Variants in SPIDR observed in about 807,000 individuals in gnomAD.
SPIDR encodes scaffold protein involved in DNA repair, also known as DNA repair-scaffolding protein.
In SPIDR, 93 loss-of-function variants were observed where a neutral mutation model predicts 104.6. That is an observed-to-expected ratio of 0.89 (90% CI 0.75 to 1.06). The LOEUF is 1.06. Among genes scored for constraint, SPIDR ranks in the 50% least tolerant of loss-of-function variants. The pLI is 0.00. For missense variants in SPIDR, 1,154 were observed against 1,111.2 expected, an observed-to-expected ratio of 1.04 and a Z score of -0.55; for synonymous variants, 431 against 416.9, an observed-to-expected ratio of 1.03 and a Z score of -0.41.
chr8:47,575,504 G>A (rs948409338), intron 8 of SPIDR, among the ~76,000 whole-genome samples: 10 of 151,116 alleles, frequency 6.6e-5, no homozygotes, highest in African/African-American at 2.2e-4. Flanking sequence ...AAAATTAGCC[G>A]GGCGTGGTAG....
intron 5 of SPIDR, among the ~76,000 whole-genome samples, chr8:47,384,366 C>T (rs6981604): frequency 0.027 from 4,117 of 152,232 alleles, 141 homozygotes; most frequent in African/African-American, 0.091. Flanking sequence ...TAAAATAAAG[C>T]TTTTGTGTTA....
chr8:47,269,599 A>G (rs1284928264), intron 1 of SPIDR, among the ~76,000 whole-genome samples: 4 of 152,024 alleles, frequency 2.6e-5, no homozygotes, highest in African/African-American at 7.2e-5. Context: ...AGAAAACAAA[A>G]TACCATGCTG....
intron 8 of SPIDR, among the ~76,000 whole-genome samples, chr8:47,565,038 G>T (rs956047471): frequency 6.6e-6 from 1 of 152,176 alleles, no homozygotes; most frequent in Non-Finnish European, 1.5e-5. Flanking sequence ...CCTGAGGTCA[G>T]TAGTTCAAGA....
At chr8:47,372,061 C>T (rs1268355664) in intron 5 of SPIDR, among the ~76,000 whole-genome samples, 1 of 152,122 alleles carries the variant, frequency 6.6e-6, no homozygotes, top group Admixed American at 6.6e-5. Flanking sequence ...TTTCAAGTCA[C>T]CTCTTCTGGG....
intron 5 of SPIDR, among the ~76,000 whole-genome samples, chr8:47,302,184 T>A (rs1426006825): frequency 1.4e-5 from 2 of 147,554 alleles, no homozygotes; most frequent in African/African-American, 2.6e-5. Flanking sequence ...TCTCACTTCA[T>A]TTCATTCATT....
At chr8:47,716,886 C>T (rs2082659488) in intron 16 of SPIDR, among the ~76,000 whole-genome samples, 1 of 152,156 alleles carries the variant, frequency 6.6e-6, no homozygotes, top group African/African-American at 2.4e-5. Context: ...TTGTGTATTG[C>T]TCTGCTTTCC....
At chr8:47,683,402 T>A (rs1033847767) in intron 11 of SPIDR, among the ~76,000 whole-genome samples, 5 of 152,190 alleles carry the variant, frequency 3.3e-5, no homozygotes, top group Admixed American at 6.5e-5. Context: ...CCCCCTCATC[T>A]TCTTTGTTCA....
At chr8:47,531,627 T>A (rs938205464) in intron 8 of SPIDR, among the ~76,000 whole-genome samples, 6 of 152,186 alleles carry the variant, frequency 3.9e-5, no homozygotes, top group African/African-American at 1.4e-4. Context: ...CAGTGAGAAT[T>A]TTCTTGGGGA....
chr8:47,585,282 G>C (rs2060146233), intron 8 of SPIDR, among the ~76,000 whole-genome samples: 1 of 152,166 alleles, frequency 6.6e-6, no homozygotes, highest in South Asian at 2.1e-4. Context: ...ACAGAAATTA[G>C]ATACTGACCA....
chr8:47,510,897 A>G (rs2082215298), intron 8 of SPIDR: 2 of 491,788 alleles, frequency 4.1e-6, no homozygotes, highest in East Asian at 6.2e-5. Flanking sequence ...ACCAACACCT[A>G]AGAACCTAGA....
chr8:47,274,526 T>G (rs1406932881), intron 1 of SPIDR, among the ~76,000 whole-genome samples: 1 of 152,090 alleles, frequency 6.6e-6, no homozygotes, highest in Non-Finnish European at 1.5e-5. Flanking sequence ...TCCCCTTGAT[T>G]GATAGTTTGG....
At chr8:47,492,292 A>G (rs191606599) in intron 8 of SPIDR, among the ~76,000 whole-genome samples, 2 of 152,140 alleles carry the variant, frequency 1.3e-5, no homozygotes, top group East Asian at 1.9e-4. Context: ...ACATAATTTT[A>G]TTCTTCCCAA....
intron 10 of SPIDR, among the ~76,000 whole-genome samples, chr8:47,664,441 A>C (rs1045798448): frequency 1.3e-5 from 2 of 152,220 alleles, no homozygotes; most frequent in African/African-American, 2.4e-5. Flanking sequence ...AATTAAAGGA[A>C]CATATGTTAA....
chr8:47,411,091 G>A (rs1279317468), intron 7 of SPIDR, among the ~76,000 whole-genome samples: 4 of 152,138 alleles, frequency 2.6e-5, no homozygotes, highest in Non-Finnish European at 5.9e-5. Flanking sequence ...CCAAGTCTTT[G>A]CTATTGTGAA....
chr8:47,598,819 G>C (rs1001045550), intron 9 of SPIDR, 127 bp from the exon 10 acceptor site: 1 of 1,206,574 alleles, frequency 8.3e-7, no homozygotes, highest in Non-Finnish European at 1.2e-6. Context: ...CATCACTTCA[G>C]TGTAGTGCAG....
At chr8:47,264,825 A>G (rs2033538673) in intron 1 of SPIDR, among the ~76,000 whole-genome samples, 1 of 152,126 alleles carries the variant, frequency 6.6e-6, no homozygotes. Context: ...TGAGGATTAA[A>G]TTATGAGAAT....
At chr8:47,268,094 C>G (rs1464867936) in intron 1 of SPIDR, among the ~76,000 whole-genome samples, 1 of 152,132 alleles carries the variant, frequency 6.6e-6, no homozygotes, top group African/African-American at 2.4e-5. Flanking sequence ...AAAAATTGTT[C>G]TTTCTCCTTG....
chr8:47,511,896 A>C (rs1343524188), intron 8 of SPIDR: 1 of 799,586 alleles, frequency 1.3e-6, no homozygotes, highest in Non-Finnish European at 2.3e-6. Context: ...CCTCATCCTC[A>C]TCTTGGTCAT....
At chr8:47,507,608 A>C (rs1399394390) in intron 8 of SPIDR, among the ~76,000 whole-genome samples, 1 of 152,234 alleles carries the variant, frequency 6.6e-6, no homozygotes, top group Non-Finnish European at 1.5e-5. Context: ...TTGTTGACGG[A>C]ACTTAATTTT....
Sources: allele counts gnomAD v4.1 joint callset (sites outside exome capture counted in the v4.1 genomes callset), GRCh38; gene constraint gnomAD v4.1.1; transcripts MANE v1.5; gene names NCBI Gene and HGNC (gene_info 2026-07-23, HGNC 2026-07-21).